SH3KBP1: variants seen among roughly 807,000 people sequenced by gnomAD.
SH3KBP1 encodes the protein SH3 domain containing kinase binding protein 1.
A neutral mutation model predicts 50.1 loss-of-function variants in SH3KBP1; 8 were observed. That is an observed-to-expected ratio of 0.16 (90% CI 0.09 to 0.29). The LOEUF (loss-of-function observed/expected upper bound fraction) is 0.29. Among genes scored for constraint, SH3KBP1 ranks in the 10% least tolerant of loss-of-function variants. SH3KBP1 has a pLI of 1.00. For missense variants in SH3KBP1, 377 were observed against 535.2 expected, an observed-to-expected ratio of 0.70 and a Z score of 2.92; for synonymous variants, 227 against 218.6, an observed-to-expected ratio of 1.04 and a Z score of -0.34.
intron 2 of SH3KBP1, among the ~76,000 whole-genome samples, chrX:19,768,731 G>T (rs1238956935): frequency 1.8e-5 from 2 of 109,012 alleles, no homozygotes; most frequent in African/African-American, 6.7e-5. Flanking sequence ...AATTTTCCAA[G>T]ACTGACCCCC....
chrX:19,762,907 G>A (rs1305738485), intron 2 of SH3KBP1, among the ~76,000 whole-genome samples: 4 of 112,278 alleles, frequency 3.6e-5, no homozygotes, highest in Non-Finnish European at 7.5e-5. Context: ...GGAAACCTGC[G>A]AGTGGAGATT....
chrX:19,692,803 C>T (rs2063330223), intron 5 of SH3KBP1, among the ~76,000 whole-genome samples: 1 of 107,052 alleles, frequency 9.3e-6, no homozygotes, highest in Non-Finnish European at 1.9e-5. Flanking sequence ...ATGCCTCAGC[C>T]TCCTGTGTAG....
chrX:19,773,103 G>C (rs1449589986), intron 2 of SH3KBP1, among the ~76,000 whole-genome samples: 1 of 110,600 alleles, frequency 9.0e-6, no homozygotes, highest in African/African-American at 3.3e-5. Flanking sequence ...AATACAGATA[G>C]GCACACAGAC....
intron 11 of SH3KBP1, among the ~76,000 whole-genome samples, chrX:19,589,816 TA>T (rs751187520): frequency 3.4e-3 from 340 of 98,629 alleles, no homozygotes; most frequent in Middle Eastern, 5.0e-3. Flanking sequence ...GGCAAAAGGT[TA>T]AAAAAAAAAA....
At chrX:19,626,587 G>T (rs908853129) in intron 8 of SH3KBP1, among the ~76,000 whole-genome samples, 10 of 108,796 alleles carry the variant, frequency 9.2e-5, no homozygotes, top group Admixed American at 1.9e-4. Context: ...GTGGTTTGGG[G>T]GACAGGGTCT....
chrX:19,674,763 C>A lies in SH3KBP1; in HGVS notation c.726+9060G>T, dbSNP rs913751614. Among the ~76,000 whole-genome samples, 10 of 111,635 alleles carry A rather than the reference C, an allele frequency of 9.0e-5. No individual in the cohort carries two copies. The East Asian group carries it at 2.8e-3, about 31-fold the overall frequency. Reference sequence around the variant, plus strand: ...TAGCAAAATTCAATTGTACTTCTTGCAGTTTGAAATTTGCCATAATAAAAA... The same window carrying A: ...TAGCAAAATTCAATTGTACTTCTTGAAGTTTGAAATTTGCCATAATAAAAA... On this transcript the variant is annotated intron_variant, in intron 6 of 17. Coordinates refer to ENST00000397821, the MANE Select transcript of SH3KBP1 (RefSeq NM_031892.3).
chrX:19,657,452 G>A (rs757363811), intron 6 of SH3KBP1, among the ~76,000 whole-genome samples: 6 of 109,101 alleles, frequency 5.5e-5, no homozygotes, highest in African/African-American at 1.3e-4. Flanking sequence ...GAAATTGGCC[G>A]GGCATGGTGG....
chrX:19,831,412 C>CAAAAAA (rs1168426297), intron 2 of SH3KBP1, among the ~76,000 whole-genome samples: 3 of 47,630 alleles, frequency 6.3e-5, no homozygotes, highest in African/African-American at 1.6e-4. Context: ...CAACCCATCT[C>CAAAAAA]AAAAAAAAAA....
At chrX:19,669,173 C>T (rs949802110) in intron 6 of SH3KBP1, among the ~76,000 whole-genome samples, 3 of 101,660 alleles carry the variant, frequency 3.0e-5, no homozygotes, top group East Asian at 3.1e-4. Flanking sequence ...GCCATGTTGC[C>T]GAGGCTAGTC....
At chrX:19,781,209 T>C (rs1453397113) in intron 2 of SH3KBP1, among the ~76,000 whole-genome samples, 1 of 111,729 alleles carries the variant, frequency 9.0e-6, no homozygotes, top group African/African-American at 3.3e-5. Flanking sequence ...AAGTCTAATA[T>C]AGAGAATGCC....
chrX:19,666,674 G>GA (rs994544089), intron 6 of SH3KBP1, among the ~76,000 whole-genome samples: 3 of 110,690 alleles, frequency 2.7e-5, no homozygotes, highest in African/African-American at 9.9e-5. Context: ...GCTACAAGAA[G>GA]AAAAAAAAGC....
At chrX:19,832,282 A>G (rs1409713069) in intron 2 of SH3KBP1, among the ~76,000 whole-genome samples, 1 of 111,809 alleles carries the variant, frequency 8.9e-6, no homozygotes, top group African/African-American at 3.3e-5. Flanking sequence ...TCCCTCACCC[A>G]GTGACCAGCA....
At chrX:19,723,142 C>CAAAAA (rs61434855) in intron 3 of SH3KBP1, among the ~76,000 whole-genome samples, 1 of 31,126 alleles carries the variant, frequency 3.2e-5, no homozygotes, top group African/African-American at 8.5e-5. Flanking sequence ...GACTCCGTCT[C>CAAAAA]AAAAAAAAAA....
chrX:19,605,660 T>C (rs758990067), intron 9 of SH3KBP1, among the ~76,000 whole-genome samples: 1 of 111,818 alleles, frequency 8.9e-6, no homozygotes, highest in South Asian at 3.8e-4. Flanking sequence ...TCCATGGCCC[T>C]AAACGCCAGA....
intron 1 of SH3KBP1, among the ~76,000 whole-genome samples, chrX:19,847,703 A>T (rs1398116585): frequency 8.9e-6 from 1 of 112,321 alleles, no homozygotes; most frequent in Non-Finnish European, 1.9e-5. Flanking sequence ...AGTAATTGGG[A>T]GTCTATCAAG....
intron 2 of SH3KBP1, among the ~76,000 whole-genome samples, chrX:19,752,334 G>A (rs2065089916): frequency 8.9e-6 from 1 of 112,331 alleles, no homozygotes; most frequent in African/African-American, 3.2e-5. Flanking sequence ...TCCGAGAGGT[G>A]TCTTCAGGAT....
chrX:19,598,376 G>T (rs1272869790), intron 9 of SH3KBP1, among the ~76,000 whole-genome samples: 3 of 111,043 alleles, frequency 2.7e-5, no homozygotes, highest in Non-Finnish European at 5.7e-5. Flanking sequence ...ACAGGCGTGA[G>T]CCACCATGCC....
At chrX:19,623,042 C>CA (rs773914815) in intron 8 of SH3KBP1, among the ~76,000 whole-genome samples, 1,145 of 21,466 alleles carry the variant, frequency 0.053, 41 homozygotes, top group Middle Eastern at 0.062. Flanking sequence ...CACTCTGACT[C>CA]AAAAAAAAAA....
chrX:19,817,283 A>T, intron 2 of SH3KBP1, among the ~76,000 whole-genome samples: 1 of 111,919 alleles, frequency 8.9e-6, no homozygotes, highest in East Asian at 2.8e-4. Context: ...TCTTTTATAA[A>T]TCTTAAAATA....
Sources: allele counts gnomAD v4.1 joint callset (sites outside exome capture counted in the v4.1 genomes callset), GRCh38; gene constraint gnomAD v4.1.1; transcripts MANE v1.5; gene names NCBI Gene and HGNC (gene_info 2026-07-23, HGNC 2026-07-21).